The following MGLL variants were observed in gnomAD, a reference collection of about 807,000 sequenced individuals.
MGLL encodes the protein lysophospholipase homolog.
A neutral mutation model predicts 29.1 loss-of-function variants in MGLL; 7 were observed. The observed-to-expected ratio is 0.24, with a 90% CI of 0.14 to 0.45. MGLL has a LOEUF of 0.45. Among genes scored for constraint, MGLL ranks in the 20% least tolerant of loss-of-function variants. MGLL has a pLI of 0.99. For missense variants in MGLL, 356 were observed against 413.6 expected (o/e 0.86, Z 1.21); for synonymous variants, 148 against 168.3 (o/e 0.88, Z 0.93).
At chr3:127,705,768 C>T (rs1159352244) in intron 6 of MGLL, among the ~76,000 whole-genome samples, 3 of 134,432 alleles carry the variant, frequency 2.2e-5, no homozygotes, top group African/African-American at 9.0e-5. Context: ...GAGAGAGAAA[C>T]TCCATCTCAA....
intron 3 of MGLL, chr3:127,735,947 T>C (rs2076235140): frequency 6.7e-7 from 1 of 1,484,072 alleles, no homozygotes; most frequent in African/African-American, 1.4e-5. Flanking sequence ...CCTGGCTCTC[T>C]TAGAGTGCAA....
Position 127,710,672 on chromosome 3 carries a change from G to C in MGLL, c.511-7C>G. 6.4e-7 allele frequency: 1 copy of C among 1,561,452 alleles called. No homozygotes were observed. The highest frequency in any genetic ancestry group is 8.7e-7 in the Non-Finnish European group (1 of 1,151,578). On this transcript the variant is annotated splice_polypyrimidine_tract_variant and splice_region_variant and intron_variant, in intron 5 of 7. Coordinates refer to ENST00000265052, the MANE Select transcript of MGLL (RefSeq NM_007283.7). ...GCACTTTCGCAGCAAGGACCTAGCC[G>C]GGGAGGGAAAACAAGGGCTGTGAGC...
At chr3:127,813,648 C>T (rs1483206817) in intron 2 of MGLL, among the ~76,000 whole-genome samples, 1 of 152,192 alleles carries the variant, frequency 6.6e-6, no homozygotes. Flanking sequence ...CCTGTGGCAG[C>T]CTGAGAAACT....
intron 3 of MGLL, among the ~76,000 whole-genome samples, chr3:127,747,295 T>C (rs2107663805): frequency 6.6e-6 from 1 of 152,152 alleles, no homozygotes; most frequent in East Asian, 1.9e-4. Flanking sequence ...ACCTGCTCCA[T>C]CTGAAACACC....
chr3:127,712,355 T>C (rs2075732401), intron 5 of MGLL: 1 of 152,266 alleles, frequency 6.6e-6, no homozygotes, highest in Non-Finnish European at 1.5e-5. Context: ...CGCACAAGTG[T>C]GGCGTGACTG....
At chr3:127,720,466 C>T (rs563688631) in intron 5 of MGLL, among the ~76,000 whole-genome samples, 16 of 152,364 alleles carry the variant, frequency 1.1e-4, no homozygotes, top group Non-Finnish European at 2.2e-4. Context: ...GGTGCCTGCT[C>T]CACCTCTAGG....
chr3:127,718,808 GA>G (rs2075864736), intron 5 of MGLL, among the ~76,000 whole-genome samples: 1 of 151,920 alleles, frequency 6.6e-6, no homozygotes, highest in Non-Finnish European at 1.5e-5. Flanking sequence ...TTTGAATTTT[GA>G]ACCATAGAAA....
intron 6 of MGLL, among the ~76,000 whole-genome samples, chr3:127,709,844 C>T (rs1479750862): frequency 1.3e-5 from 2 of 152,208 alleles, no homozygotes; most frequent in African/African-American, 4.8e-5. Context: ...CCAGGCTAGC[C>T]TCACCACTGG....
At chr3:127,781,700 G>C in intron 3 of MGLL, 89 bp downstream of exon 3, 1 of 1,164,932 alleles carries the variant, frequency 8.6e-7, no homozygotes, top group Admixed American at 1.7e-5. Context: ...GAAGAATTGA[G>C]AAGGATGCTG....
intron 2 of MGLL, among the ~76,000 whole-genome samples, chr3:127,785,368 G>A (rs976885413): frequency 2.0e-5 from 3 of 152,252 alleles, no homozygotes; most frequent in African/African-American, 7.2e-5. Flanking sequence ...TGGGTAAAGG[G>A]ACAGACCCCA....
chr3:127,808,174 T>C (rs2077602812), intron 2 of MGLL, among the ~76,000 whole-genome samples: 1 of 152,218 alleles, frequency 6.6e-6, no homozygotes, highest in African/African-American at 2.4e-5. Flanking sequence ...ATGATGATTC[T>C]TTCAGTTGTG....
chr3:127,740,237 G>A (rs974837599), intron 3 of MGLL, among the ~76,000 whole-genome samples: 31 of 152,162 alleles, frequency 2.0e-4, no homozygotes, highest in African/African-American at 7.0e-4. Context: ...CATGAAGCTC[G>A]TTCACACAGA....
At chr3:127,784,993 CCA>C (rs1262313480) in intron 2 of MGLL, among the ~76,000 whole-genome samples, 4 of 152,190 alleles carry the variant, frequency 2.6e-5, no homozygotes, top group African/African-American at 9.7e-5. Flanking sequence ...TTTCTGGTGC[CCA>C]GATGTGCCAG....
chr3:127,719,944 G>A (rs1327947945), intron 5 of MGLL, among the ~76,000 whole-genome samples: 1 of 152,168 alleles, frequency 6.6e-6, no homozygotes, highest in Non-Finnish European at 1.5e-5. Flanking sequence ...CTTTTGCCAA[G>A]CCGAGCCCCA....
At chr3:127,743,059 C>T (rs2076374388) in intron 3 of MGLL, among the ~76,000 whole-genome samples, 2 of 152,224 alleles carry the variant, frequency 1.3e-5, no homozygotes, top group South Asian at 4.1e-4. Context: ...AGGTGATCCA[C>T]CAGCCTTGGC....
chr3:127,821,862 CA>C, intron 1 of MGLL, 24 bp from the exon 2 acceptor site: 3 of 1,609,664 alleles, frequency 1.9e-6, no homozygotes, highest in Non-Finnish European at 2.5e-6. Context: ...TGACATATTC[CA>C]AAGTCAGAAA....
intron 3 of MGLL, among the ~76,000 whole-genome samples, chr3:127,775,345 A>T (rs370325594): frequency 6.6e-6 from 1 of 152,244 alleles, no homozygotes; most frequent in African/African-American, 2.4e-5. Context: ...AAACAAAAAT[A>T]TATTACTTAC....
intron 6 of MGLL, among the ~76,000 whole-genome samples, chr3:127,699,678 G>A (rs1231942879): frequency 6.6e-6 from 1 of 152,196 alleles, no homozygotes; most frequent in East Asian, 1.9e-4. Context: ...TGCCTGTCTC[G>A]AGAGGAGAAG....
chr3:127,791,646 G>A (rs1297415129), intron 2 of MGLL, among the ~76,000 whole-genome samples: 1 of 152,160 alleles, frequency 6.6e-6, no homozygotes, highest in Non-Finnish European at 1.5e-5. Flanking sequence ...TATTAACATG[G>A]GCTGTTTATC....
Sources: allele counts gnomAD v4.1 joint callset (sites outside exome capture counted in the v4.1 genomes callset), GRCh38; gene constraint gnomAD v4.1.1; transcripts MANE v1.5; gene names NCBI Gene and HGNC (gene_info 2026-07-23, HGNC 2026-07-21).